NRIP3: variants seen among roughly 807,000 people sequenced by gnomAD.
The protein encoded by NRIP3 is nuclear receptor-interacting protein 3.
A neutral mutation model predicts 29.0 loss-of-function variants in NRIP3; 31 were observed. The observed-to-expected ratio is 1.07, with a 90% CI of 0.80 to 1.44. NRIP3 has a LOEUF of 1.44. Among genes scored for constraint, NRIP3 ranks in the 40% most tolerant of loss-of-function variants. The pLI is 0.00. For synonymous variants in NRIP3, 131 were observed against 118.3 expected, an observed-to-expected ratio of 1.11 and a Z score of -0.70; for missense variants, 314 against 297.9, an observed-to-expected ratio of 1.05 and a Z score of -0.40.
At chr11:8,998,237 C>A (rs1463140386) in intron 1 of NRIP3, among the ~76,000 whole-genome samples, 1 of 152,200 alleles carries the variant, frequency 6.6e-6, no homozygotes, top group Middle Eastern at 3.2e-3. Context: ...CATGGAAACA[C>A]AGATTGTTCT....
intron 1 of NRIP3, among the ~76,000 whole-genome samples, chr11:8,996,746 G>A (rs955233365): frequency 6.6e-6 from 1 of 152,200 alleles, no homozygotes; most frequent in Non-Finnish European, 1.5e-5. Flanking sequence ...TCCAAGGGCC[G>A]TCCTGTCTTT....
At chr11:9,003,383 C>T (rs1854843879) in intron 1 of NRIP3, among the ~76,000 whole-genome samples, 1 of 152,206 alleles carries the variant, frequency 6.6e-6, no homozygotes, top group Non-Finnish European at 1.5e-5. Context: ...TTAGGAATCA[C>T]CTCTGTCTGG....
chr11:8,991,857 C>T (rs1854607546), intron 1 of NRIP3, among the ~76,000 whole-genome samples: 1 of 152,218 alleles, frequency 6.6e-6, no homozygotes, highest in South Asian at 2.1e-4. Context: ...GTGACATGCA[C>T]CATTTCTATG....
intron 1 of NRIP3, among the ~76,000 whole-genome samples, chr11:9,000,462 A>G (rs756402075): frequency 1.3e-5 from 2 of 152,226 alleles, no homozygotes; most frequent in Non-Finnish European, 2.9e-5. Context: ...GTGTTCAACC[A>G]TCTTTCCCCC....
intron 1 of NRIP3, among the ~76,000 whole-genome samples, chr11:8,991,090 A>G (rs1347876121): frequency 6.6e-6 from 1 of 152,168 alleles, no homozygotes; most frequent in Non-Finnish European, 1.5e-5. Context: ...TCACGAGGTC[A>G]GGAGATGGAG....
chr11:8,986,064 CA>C (rs140613528), intron 3 of NRIP3, among the ~76,000 whole-genome samples: 3,281 of 152,286 alleles, frequency 0.022, 120 homozygotes, highest in African/African-American at 0.076. Context: ...CTCCCGTTCT[CA>C]AAAACCTTAC....
At chr11:9,001,273 C>G (rs1038798380) in intron 1 of NRIP3, among the ~76,000 whole-genome samples, 1 of 152,106 alleles carries the variant, frequency 6.6e-6, no homozygotes, top group African/African-American at 2.4e-5. Flanking sequence ...AACATGACCC[C>G]CTTTGATTTC....
At position 8,983,283 on chromosome 11, in the gene NRIP3, C is replaced by A; in HGVS notation, c.*262G>T. 1.8e-6 allele frequency: 1 copy of A among 548,094 alleles called. No homozygotes were observed. The allele number at this position is 548,094 out of a possible 1,614,324, so 34.0% of individuals were successfully genotyped here. Reference sequence around the variant, plus strand: ...CTGGAAGAAGCAGAGAAATAGGCCACAAGTGAGACTGGCAGTGTCAAAAAA... The same window carrying A: ...CTGGAAGAAGCAGAGAAATAGGCCAAAAGTGAGACTGGCAGTGTCAAAAAA... On this transcript the variant is annotated 3_prime_UTR_variant, in exon 7 of 7. Coordinates refer to ENST00000309166, the MANE Select transcript of NRIP3 (RefSeq NM_020645.3).
Position 9,003,977 on chromosome 11 carries a change from A to C in NRIP3, c.-42T>G, listed in dbSNP as rs866399935. ...GCCCGGTAGCCCACAGCCCCCCGGC[A>C]GCCTCAGCCTCGAGCTCCTCCAGCG... is the stretch of plus-strand genomic sequence containing the variant. On this transcript the variant is annotated 5_prime_UTR_variant, in exon 1 of 7. Coordinates refer to ENST00000309166, the MANE Select transcript of NRIP3 (RefSeq NM_020645.3). 3.5e-6 allele frequency: 5 copies of C among 1,445,216 alleles called. No individual in the cohort carries two copies. The highest frequency in any genetic ancestry group is 3.1e-5 in the East Asian group (1 of 32,624). The allele number at this position is 1,445,216 out of a possible 1,614,324, so 89.5% of individuals were successfully genotyped here. A position where few individuals can be genotyped will look rare whatever the true frequency, so the allele number is the denominator to read the frequency against.
At chr11:9,000,720 CA>C (rs1262595824) in intron 1 of NRIP3, among the ~76,000 whole-genome samples, 1 of 151,836 alleles carries the variant, frequency 6.6e-6, no homozygotes, top group Non-Finnish European at 1.5e-5. Flanking sequence ...AGATAAATTA[CA>C]ATAGGCAAAT....
intron 1 of NRIP3, among the ~76,000 whole-genome samples, chr11:8,994,383 A>G (rs1854664852): frequency 1.3e-5 from 2 of 152,326 alleles, no homozygotes; most frequent in African/African-American, 2.4e-5. Flanking sequence ...TATAATCTCT[A>G]TAGAGGAGTT....
At chr11:8,998,132 CT>C (rs1248679134) in intron 1 of NRIP3, among the ~76,000 whole-genome samples, 28 of 152,310 alleles carry the variant, frequency 1.8e-4, no homozygotes, top group African/African-American at 6.3e-4. Flanking sequence ...GTATACATGT[CT>C]CTATCTCTGA....
upstream of NRIP3, chr11:9,004,006 C>A (rs941669247): frequency 6.6e-6 from 9 of 1,360,372 alleles, no homozygotes; most frequent in Non-Finnish European, 7.6e-6. Context: ...TCCAGCGCCG[C>A]AAGGGCCCCG....
chr11:8,984,008 T>C, intron 5 of NRIP3, 39 bp from the exon 6 acceptor site: 2 of 1,604,738 alleles, frequency 1.2e-6, no homozygotes, highest in Non-Finnish European at 1.7e-6. Context: ...CACTATGAGT[T>C]CCTGTGTAAG....
intron 1 of NRIP3, among the ~76,000 whole-genome samples, chr11:8,991,271 A>G (rs1351790165): frequency 1.3e-5 from 2 of 152,242 alleles, no homozygotes; most frequent in African/African-American, 4.8e-5. Flanking sequence ...ACTGCACTCC[A>G]GCCCAGGCAA....
At chr11:8,983,808 C>A in intron 6 of NRIP3, 67 bp downstream of exon 6, 1 of 1,339,464 alleles carries the variant, frequency 7.5e-7, no homozygotes, top group Non-Finnish European at 1.1e-6. Flanking sequence ...GTCTGAGAAC[C>A]ACCACCACCC....
chr11:8,989,707 T>G (rs1213727294), intron 1 of NRIP3, among the ~76,000 whole-genome samples: 1 of 152,226 alleles, frequency 6.6e-6, no homozygotes. Context: ...GCTAACTCTG[T>G]CAGATTTTGT....
At chr11:8,990,592 C>A (rs1589961239) in intron 1 of NRIP3, among the ~76,000 whole-genome samples, 1 of 152,080 alleles carries the variant, frequency 6.6e-6, no homozygotes, top group East Asian at 1.9e-4. Flanking sequence ...TCGAGACCAG[C>A]CTGTCCAACA....
chr11:8,983,314 A>G lies in NRIP3; in HGVS notation c.*231T>C, dbSNP rs1014406052. 7 of 581,432 alleles carry G rather than the reference A, an allele frequency of 1.2e-5. No individual in the cohort carries two copies. In the Admixed American group the frequency reaches 1.4e-4, roughly 11 times the overall value. The allele number at this position is 581,432 out of a possible 1,614,324, so 36.0% of individuals were successfully genotyped here. ...AGACTGGCAGTGTCAAAAAAGGTCT[A>G]TAAGTTAAGTGATCAAAGTAGTAAA... On this transcript the variant is annotated 3_prime_UTR_variant, in exon 7 of 7. Transcript: ENST00000309166.
Sources: gnomAD v4.1 joint callset for allele counts (sites outside exome capture counted in the v4.1 genomes callset) on GRCh38, gnomAD v4.1.1 for gene constraint, MANE v1.5 for transcripts, NCBI Gene and HGNC (gene_info 2026-07-23, HGNC 2026-07-21) for gene names.